The following CPQ variants were observed in gnomAD, a reference collection of about 807,000 sequenced individuals.
CPQ encodes the protein Ser-Met dipeptidase.
CPQ carries 37 observed loss-of-function variants against 45.7 expected under a neutral mutation model. The observed-to-expected ratio is 0.81, with a 90% CI of 0.62 to 1.07. CPQ has a LOEUF of 1.07. CPQ is among the 50% of genes least tolerant of loss of function. The probability of loss-of-function intolerance (pLI) is 0.00; values close to 1 mark genes in which losing one functional copy is unlikely to be tolerated. For synonymous variants in CPQ, 186 were observed against 205.8 expected, an observed-to-expected ratio of 0.90 and a Z score of 0.82; for missense variants, 537 against 572.9, an observed-to-expected ratio of 0.94 and a Z score of 0.64.
At chr8:96,940,622 C>T (rs1282246170) in intron 4 of CPQ, among the ~76,000 whole-genome samples, 1 of 152,200 alleles carries the variant, frequency 6.6e-6, no homozygotes, top group Non-Finnish European at 1.5e-5. Context: ...GGAAACTTGA[C>T]TTCTGTATTT....
At chr8:96,840,684 A>G (rs917918716) in intron 3 of CPQ, among the ~76,000 whole-genome samples, 4 of 152,196 alleles carry the variant, frequency 2.6e-5, no homozygotes, top group Non-Finnish European at 5.9e-5. Flanking sequence ...ATATGAAGTA[A>G]TGAGGGCATA....
intron 5 of CPQ, among the ~76,000 whole-genome samples, chr8:96,995,491 C>T (rs1272969370): frequency 1.3e-5 from 2 of 151,772 alleles, no homozygotes; most frequent in African/African-American, 4.8e-5. Flanking sequence ...GAAGAGTAAA[C>T]AGAGGAATTG....
At chr8:96,719,040 C>A (rs568486110) in intron 1 of CPQ, among the ~76,000 whole-genome samples, 6 of 152,242 alleles carry the variant, frequency 3.9e-5, no homozygotes, top group African/African-American at 7.2e-5. Context: ...GATCCCGCAC[C>A]GGGGCTGCAG....
chr8:96,770,818 A>G (rs1486303549), intron 1 of CPQ, among the ~76,000 whole-genome samples: 1 of 148,890 alleles, frequency 6.7e-6, no homozygotes, highest in Non-Finnish European at 1.5e-5. Context: ...GGCAGGCAAT[A>G]TAGGAGGTGA....
chr8:96,868,262 G>A (rs1317348906), intron 3 of CPQ, among the ~76,000 whole-genome samples: 1 of 152,054 alleles, frequency 6.6e-6, no homozygotes, highest in Non-Finnish European at 1.5e-5. Flanking sequence ...TTTGTTATCA[G>A]TGAATAAGTT....
At chr8:96,942,582 C>A (rs1373765159) in intron 4 of CPQ, among the ~76,000 whole-genome samples, 1 of 152,190 alleles carries the variant, frequency 6.6e-6, no homozygotes, top group Non-Finnish European at 1.5e-5. Flanking sequence ...CCATCACCAA[C>A]AACATAGGTT....
At chr8:96,946,127 C>A (rs186225509) in intron 4 of CPQ, among the ~76,000 whole-genome samples, 1 of 152,288 alleles carries the variant, frequency 6.6e-6, no homozygotes, top group Non-Finnish European at 1.5e-5. Flanking sequence ...TTATCCAGCT[C>A]CTCTTGCATT....
intron 1 of CPQ, among the ~76,000 whole-genome samples, chr8:96,706,755 G>A (rs1809535494): frequency 6.6e-6 from 1 of 152,126 alleles, no homozygotes; most frequent in African/African-American, 2.4e-5. Flanking sequence ...AGTTATAGAG[G>A]AGGAAATGAC....
At chr8:96,897,662 C>T (rs1358123580) in intron 4 of CPQ, among the ~76,000 whole-genome samples, 2 of 152,154 alleles carry the variant, frequency 1.3e-5, no homozygotes, top group Admixed American at 6.6e-5. Context: ...TTTGTGTTTA[C>T]ACTTGGTCCC....
At chr8:96,950,442 G>C (rs1813244655) in intron 4 of CPQ, among the ~76,000 whole-genome samples, 1 of 152,056 alleles carries the variant, frequency 6.6e-6, no homozygotes, top group Non-Finnish European at 1.5e-5. Context: ...GAAATAAAAA[G>C]GTCTCTGTCA....
intron 4 of CPQ, among the ~76,000 whole-genome samples, chr8:96,902,326 AACTGAGGCAC>A (rs1162509330): frequency 6.6e-6 from 1 of 152,250 alleles, no homozygotes; most frequent in Non-Finnish European, 1.5e-5. Flanking sequence ...CAGATGAAGT[AACTGAGGCAC>A]AAAGAGGCCA....
At chr8:96,809,444 A>C (rs1431055030) in intron 2 of CPQ, among the ~76,000 whole-genome samples, 1 of 152,248 alleles carries the variant, frequency 6.6e-6, no homozygotes, top group Non-Finnish European at 1.5e-5. Context: ...ACAGTAATGT[A>C]GACAAGTCTC....
chr8:97,091,951 A>G (rs1036581379), intron 7 of CPQ, among the ~76,000 whole-genome samples: 3 of 152,128 alleles, frequency 2.0e-5, no homozygotes, highest in Non-Finnish European at 4.4e-5. Flanking sequence ...ACCCCAGGGA[A>G]ACTGCAGTTA....
At chr8:97,021,845 A>G (rs777022271) in intron 5 of CPQ, among the ~76,000 whole-genome samples, 1 of 152,218 alleles carries the variant, frequency 6.6e-6, no homozygotes, top group African/African-American at 2.4e-5. Flanking sequence ...CATTCTTCAC[A>G]GAATTTAAAA....
intron 6 of CPQ, among the ~76,000 whole-genome samples, chr8:97,033,338 TAAG>T (rs1268783900): frequency 6.6e-6 from 1 of 152,196 alleles, no homozygotes; most frequent in Non-Finnish European, 1.5e-5. Flanking sequence ...GACTTCAAGC[TAAG>T]AAGTTTTTTC....
chr8:97,083,737 G>C (rs1355222739), intron 7 of CPQ, among the ~76,000 whole-genome samples: 2 of 152,136 alleles, frequency 1.3e-5, no homozygotes, highest in South Asian at 2.1e-4. Flanking sequence ...GCACAGAATA[G>C]CACTTGGACT....
At chr8:97,014,157 G>A (rs1402469528) in intron 5 of CPQ, among the ~76,000 whole-genome samples, 7 of 152,114 alleles carry the variant, frequency 4.6e-5, no homozygotes, top group African/African-American at 9.7e-5. Context: ...GTTAGTTGGC[G>A]ATTGCAACAA....
In CPQ at chr8:96,986,491, T is replaced by TC. The variant is rs559905456; in HGVS notation, c.961+20448dup. ...TTTTTTTGCAACTATTAAGCAGTTT[T>TC]CCCTTATTCCCACTCTCTCAAACCC... On this transcript the variant is annotated intron_variant, in intron 5 of 7. Coordinates refer to ENST00000220763, the MANE Select transcript of CPQ (RefSeq NM_016134.4). Among the ~76,000 whole-genome samples the TC allele has an allele frequency of 5.1e-3, 770 of 152,264 alleles. 4 individuals carry two copies. The highest frequency in any genetic ancestry group is 0.018 in the African/African-American group (737 of 41,544).
chr8:97,029,571 T>G, intron 6 of CPQ, 77 bp downstream of exon 6: 2 of 1,306,488 alleles, frequency 1.5e-6, no homozygotes, highest in South Asian at 1.3e-5. Flanking sequence ...CATTTAAGAC[T>G]TCAATAATAC....
Sources: allele counts gnomAD v4.1 joint callset (sites outside exome capture counted in the v4.1 genomes callset), GRCh38; gene constraint gnomAD v4.1.1; transcripts MANE v1.5; gene names NCBI Gene and HGNC (gene_info 2026-07-23, HGNC 2026-07-21).